Variants in CCDC148 observed in about 807,000 individuals in gnomAD.
CCDC148 encodes coiled-coil domain containing 148.
In CCDC148, 89 loss-of-function variants were observed where a neutral mutation model predicts 85.7. The observed-to-expected ratio is 1.04, with a 90% CI of 0.87 to 1.24. The LOEUF (loss-of-function observed/expected upper bound fraction) is 1.24. Among genes scored for constraint, CCDC148 ranks in the 50% most tolerant of loss-of-function variants. CCDC148 has a pLI of 0.00. For synonymous variants in CCDC148, 230 were observed against 213.9 expected, an observed-to-expected ratio of 1.08 and a Z score of -0.66; for missense variants, 692 against 671.7, an observed-to-expected ratio of 1.03 and a Z score of -0.33.
chr2:158,408,193 GTATC>G (rs1278606159), intron 1 of CCDC148, among the ~76,000 whole-genome samples: 9 of 151,968 alleles, frequency 5.9e-5, no homozygotes, highest in African/African-American at 2.2e-4. Context: ...TCTAATTAAC[GTATC>G]TATCACCTCA....
chr2:158,292,217 AT>A (rs1303079764), intron 9 of CCDC148, among the ~76,000 whole-genome samples: 1 of 152,174 alleles, frequency 6.6e-6, no homozygotes, highest in East Asian at 1.9e-4. Flanking sequence ...AATATACATT[AT>A]TTTAGACATT....
chr2:158,452,930 C>T (rs1688463455), intron 1 of CCDC148, among the ~76,000 whole-genome samples: 1 of 152,188 alleles, frequency 6.6e-6, no homozygotes, highest in South Asian at 2.1e-4. Flanking sequence ...AAAATGTAAC[C>T]CTTAACTTGC....
intron 12 of CCDC148, among the ~76,000 whole-genome samples, chr2:158,177,263 C>T (rs968875743): frequency 2.0e-5 from 3 of 151,952 alleles, no homozygotes; most frequent in African/African-American, 7.2e-5. Flanking sequence ...CCCAAATGCC[C>T]TTGTCTTTTA....
At chr2:158,233,627 T>G (rs1257266487) in intron 10 of CCDC148, among the ~76,000 whole-genome samples, 1 of 151,958 alleles carries the variant, frequency 6.6e-6, no homozygotes, top group Non-Finnish European at 1.5e-5. Flanking sequence ...AACATCTGGA[T>G]AGGCAACTTT....
chr2:158,244,539 C>T (rs907238164), intron 10 of CCDC148, among the ~76,000 whole-genome samples: 1 of 152,128 alleles, frequency 6.6e-6, no homozygotes, highest in Non-Finnish European at 1.5e-5. Flanking sequence ...CAGCCCGGGC[C>T]ACCCTCATCT....
Position 158,176,636 on chromosome 2 carries a change from G to A in CCDC148, c.1514C>T (p.Pro505Leu), listed in dbSNP as rs1684602528. ...CATTGTATCTGACATCATTCTAACA[G>A]GATCAAATTGAGCAACAACAGCAAC... ...KQVAVVAQFD[P>L]VRMMSDTMAS... The change falls in exon 13 of 14, where the codon CCT (proline) becomes CTT (leucine). Residue 505 changes from proline to leucine, a missense_variant. By Grantham distance (98) the Pro-to-Leu change is moderately conservative (BLOSUM62 -3). Transcript: ENST00000283233. The A allele has an allele frequency of 6.2e-7, 1 of 1,611,788 alleles. No individual in the cohort carries two copies. Among genetic ancestry groups the A allele is most frequent in the Non-Finnish European group, 8.5e-7 (1 of 1,178,854 alleles).
chr2:158,314,279 C>A (rs1692180328), intron 7 of CCDC148, among the ~76,000 whole-genome samples: 1 of 152,000 alleles, frequency 6.6e-6, no homozygotes, highest in African/African-American at 2.4e-5. Context: ...GTTCCTATGT[C>A]TAAACTGGAG....
chr2:158,451,308 C>CAGGAAAA (rs1491427968), intron 1 of CCDC148, among the ~76,000 whole-genome samples: 1 of 152,070 alleles, frequency 6.6e-6, no homozygotes, highest in African/African-American at 2.4e-5. Flanking sequence ...GAATTTCAGT[C>CAGGAAAA]ACACTTTCCT....
At chr2:158,179,288 A>G (rs1249291518) in intron 11 of CCDC148, among the ~76,000 whole-genome samples, 1 of 146,006 alleles carries the variant, frequency 6.8e-6, no homozygotes, top group East Asian at 2.1e-4. Flanking sequence ...CCTCCCGAGT[A>G]GCTGGGATTA....
intron 11 of CCDC148, among the ~76,000 whole-genome samples, chr2:158,196,206 C>T (rs1297664836): frequency 6.6e-6 from 1 of 152,088 alleles, no homozygotes; most frequent in Non-Finnish European, 1.5e-5. Flanking sequence ...ATACTAAAAA[C>T]TCACCACTTT....
chr2:158,319,600 A>G (rs1692432098), intron 7 of CCDC148, among the ~76,000 whole-genome samples: 1 of 152,162 alleles, frequency 6.6e-6, no homozygotes, highest in East Asian at 1.9e-4. Flanking sequence ...CTACCTCTAG[A>G]CTTCTTGTTA....
At chr2:158,299,460 C>A (rs1443406122) in intron 9 of CCDC148, among the ~76,000 whole-genome samples, 1 of 152,166 alleles carries the variant, frequency 6.6e-6, no homozygotes, top group East Asian at 1.9e-4. Flanking sequence ...CTTCTTTTAC[C>A]TATCAAGACT....
Position 158,365,211 on chromosome 2 carries a change from G to C in CCDC148, c.26-6641C>G, listed in dbSNP as rs571909442. Among the ~76,000 whole-genome samples the C allele has an allele frequency of 3.6e-3, 542 of 152,284 alleles. 4 individuals carry two copies. Among genetic ancestry groups the C allele is most frequent in the African/African-American group, 0.012 (519 of 41,568 alleles). The stretch of plus-strand genomic sequence containing the variant: ...GAATGCTTTTACACTGTTGGTGGGA[G>C]TGTAAATTAGTTCAACCATTGTGGA... On this transcript the variant is annotated intron_variant, in intron 1 of 13. Transcript: ENST00000283233.
chr2:158,425,140 G>A, intron 1 of CCDC148: 2 of 506,214 alleles, frequency 4.0e-6, no homozygotes, highest in South Asian at 2.9e-5. Flanking sequence ...AGTGCCTATG[G>A]TGGTGATCAA....
At chr2:158,368,861 A>G (rs1666146249) in intron 1 of CCDC148, among the ~76,000 whole-genome samples, 1 of 152,112 alleles carries the variant, frequency 6.6e-6, no homozygotes, top group South Asian at 2.1e-4. Flanking sequence ...GTGAAAAAAT[A>G]AGAGAGAGAT....
intron 11 of CCDC148, among the ~76,000 whole-genome samples, chr2:158,182,891 C>T (rs2105265323): frequency 6.6e-6 from 1 of 152,246 alleles, no homozygotes; most frequent in Admixed American, 6.5e-5. Context: ...AATAGCAACA[C>T]AGTAAAGTCA....
intron 11 of CCDC148, among the ~76,000 whole-genome samples, chr2:158,189,622 T>A (rs1209702929): frequency 6.6e-6 from 1 of 151,968 alleles, no homozygotes; most frequent in Admixed American, 6.6e-5. Context: ...AAAGGAGGAC[T>A]TAGTGTGCTT....
chr2:158,429,469 A>G (rs1366926316), intron 1 of CCDC148, among the ~76,000 whole-genome samples: 7 of 152,154 alleles, frequency 4.6e-5, no homozygotes, highest in Non-Finnish European at 1.0e-4. Context: ...ATGATGAGCT[A>G]AAAAGGAATC....
chr2:158,269,298 T>C (rs1689600362), intron 9 of CCDC148, among the ~76,000 whole-genome samples: 1 of 152,108 alleles, frequency 6.6e-6, no homozygotes, highest in African/African-American at 2.4e-5. Flanking sequence ...TTAACCTGCA[T>C]TTCCCTCATG....
Sources: allele counts gnomAD v4.1 joint callset (sites outside exome capture counted in the v4.1 genomes callset), GRCh38; gene constraint gnomAD v4.1.1; transcripts MANE v1.5; gene names NCBI Gene and HGNC (gene_info 2026-07-23, HGNC 2026-07-21).